The following SCUBE2 variants were observed in gnomAD, a reference collection of about 807,000 sequenced individuals.
The protein encoded by SCUBE2 is signal peptide, CUB and EGF-like domain-containing protein 2.
A neutral mutation model predicts 125.9 loss-of-function variants in SCUBE2; 114 were observed. That is an observed-to-expected ratio of 0.91 (90% CI 0.78 to 1.06). SCUBE2 has a LOEUF of 1.06. Among genes scored for constraint, SCUBE2 ranks in the 50% least tolerant of loss-of-function variants. SCUBE2 has a pLI of 0.00. For missense variants in SCUBE2, 1,255 were observed against 1,301.8 expected, an observed-to-expected ratio of 0.96 and a Z score of 0.55; for synonymous variants, 459 against 492.9, an observed-to-expected ratio of 0.93 and a Z score of 0.91.
At chr11:9,031,216 A>G in intron 17 of SCUBE2, 1 of 259,832 alleles carries the variant, frequency 3.8e-6, no homozygotes. Flanking sequence ...TCTCAGGCTT[A>G]GGCCTACACA....
chr11:9,066,727 T>C lies in SCUBE2; in HGVS notation c.730A>G (p.Lys244Glu), dbSNP rs1366370801. 3.1e-6 allele frequency: 5 copies of C among 1,614,048 alleles called. No homozygotes were observed. In the African/African-American group the frequency reaches 5.3e-5, roughly 17 times the overall value. Residue 244 changes from lysine (K) to glutamate (E), a missense_variant, in exon 6 of 23, where the codon AAG (lysine) becomes GAG (glutamate). Lys to Glu is a moderately conservative substitution (Grantham distance 56, BLOSUM62 1). Transcript: ENST00000649792. Reference sequence around the variant, plus strand: ...CAGCTCCTCCCATCTGTGTGCATCTTGTACTGTGGATGGCAGCTGCACTCT... The same window carrying C: ...CAGCTCCTCCCATCTGTGTGCATCTCGTACTGTGGATGGCAGCTGCACTCT... ...GPECSCHPQYKMHTDGRSCLE... is the reference protein window; with the variant it reads ...GPECSCHPQYEMHTDGRSCLE...
intron 9 of SCUBE2, among the ~76,000 whole-genome samples, chr11:9,058,523 G>A (rs1380746778): frequency 1.3e-5 from 2 of 148,500 alleles, no homozygotes; most frequent in Non-Finnish European, 3.0e-5. Flanking sequence ...TTGAACCTGG[G>A]AGGCGGAGGT....
At chr11:9,082,954 T>C (rs141147198) in intron 2 of SCUBE2, among the ~76,000 whole-genome samples, 95 of 143,386 alleles carry the variant, frequency 6.6e-4, no homozygotes, top group African/African-American at 2.2e-3. Flanking sequence ...TGGTGAATAT[T>C]ATAGTATGTT....
intron 16 of SCUBE2, 62 bp from the exon 17 acceptor site, chr11:9,033,858 G>A: frequency 6.4e-7 from 1 of 1,559,154 alleles, no homozygotes; most frequent in Admixed American, 1.7e-5. Context: ...GATGATGTGA[G>A]TTCTAGAGAT....
Position 9,069,461 on chromosome 11 carries a change from A to G in SCUBE2, c.552T>C (p.Cys184=), listed in dbSNP as rs751437969. Residue 184 remains cysteine (C), a synonymous_variant, in exon 5 of 23, where the codon TGT becomes TGC. Coordinates refer to ENST00000649792, the MANE Select transcript of SCUBE2 (RefSeq NM_001367977.2). ...GLSCMNKDHG[C]SHICKEAPRG... ...TTGGGGCCTCCTTGCAGATGTGACT[A>G]CAGCCGTGATCCTTATTCATGCAGC... 1 of 1,614,252 alleles carries G rather than the reference A, an allele frequency of 6.2e-7. No individual in the cohort carries two copies. Among genetic ancestry groups the G allele is most frequent in the Non-Finnish European group, 8.5e-7 (1 of 1,180,038 alleles).
intron 16 of SCUBE2, among the ~76,000 whole-genome samples, chr11:9,045,733 T>C (rs1336627469): frequency 4.0e-5 from 6 of 151,880 alleles, no homozygotes. Flanking sequence ...TTACACCCAC[T>C]TCCTCCCTCA....
At chr11:9,077,724 A>G (rs998802198) in intron 3 of SCUBE2, among the ~76,000 whole-genome samples, 4 of 152,228 alleles carry the variant, frequency 2.6e-5, no homozygotes, top group African/African-American at 4.8e-5. Context: ...TCCTTACCCC[A>G]TTCAGAAATA....
At position 9,091,332 on chromosome 11, in the gene SCUBE2, G is replaced by A. The variant is rs375449503; in HGVS notation, c.133+64C>T. On this transcript the variant is annotated intron_variant, in intron 1 of 22. Transcript: ENST00000649792. The surrounding 1 kb of genome is among the most constrained non-coding windows in gnomAD (Gnocchi z 8.5). ...GCGCCCGGCTCTGGACTCCGCCGGG[G>A]ACCTAAACACTCTTCCTGGCCCTGC... 1.7e-6 allele frequency: 2 copies of A among 1,171,762 alleles called. No individual in the cohort carries two copies. The highest frequency in any genetic ancestry group is 2.2e-6 in the Non-Finnish European group (2 of 929,616). The allele number at this position is 1,171,762 out of a possible 1,614,324, so 72.6% of individuals were successfully genotyped here. A position where few individuals can be genotyped will look rare whatever the true frequency, so the allele number is the denominator to read the frequency against.
At chr11:9,081,556 A>G (rs1170689689) in intron 2 of SCUBE2, among the ~76,000 whole-genome samples, 1 of 152,122 alleles carries the variant, frequency 6.6e-6, no homozygotes, top group Non-Finnish European at 1.5e-5. Flanking sequence ...CTATTATATC[A>G]TGCCTGTAAT....
rs545150844 is a variant in SCUBE2 at position 9,089,647 on chromosome 11, A to G, written c.256+60T>C. On this transcript the variant is annotated intron_variant, in intron 2 of 22. Transcript: ENST00000649792. ...TTTTACCAACATAAGTGGCCACTGCAAGAGCTAAGGAGGTAGGAGCTTCCC... is the reference window on the plus strand; with the variant it reads ...TTTTACCAACATAAGTGGCCACTGCGAGAGCTAAGGAGGTAGGAGCTTCCC... 37 of 1,581,954 alleles carry G rather than the reference A, an allele frequency of 2.3e-5. No homozygotes were observed. The African/African-American group carries it at 4.7e-4, about 20-fold the overall frequency.
chr11:9,074,408 G>C lies in SCUBE2; in HGVS notation c.517+73C>G, dbSNP rs1460076147. ...ACCCTGTGCTTCCCCTCTAGAGTCAGTGTGTGTGTGCGCGTGCAAGGGAGA... is the reference window on the plus strand; with the variant it reads ...ACCCTGTGCTTCCCCTCTAGAGTCACTGTGTGTGTGCGCGTGCAAGGGAGA... On this transcript the variant is annotated intron_variant, in intron 4 of 22. Transcript: ENST00000649792. 8 of 1,538,538 alleles carry C rather than the reference G, an allele frequency of 5.2e-6. No homozygotes were observed. In the East Asian group the frequency reaches 1.4e-4, roughly 26 times the overall value.
chr11:9,039,541 G>C (rs1857019217), intron 16 of SCUBE2, among the ~76,000 whole-genome samples: 1 of 152,202 alleles, frequency 6.6e-6, no homozygotes, highest in Non-Finnish European at 1.5e-5. Context: ...CGGACACTAG[G>C]AAGGCACGGG....
intron 14 of SCUBE2, 99 bp from the exon 15 acceptor site, chr11:9,048,197 A>C: frequency 4.7e-5 from 55 of 1,177,372 alleles, no homozygotes; most frequent in Non-Finnish European, 5.4e-5. Context: ...AACAACTCTC[A>C]AGGGACTAAG....
At position 9,053,141 on chromosome 11, in the gene SCUBE2, C is replaced by T. The variant is rs781350236; in HGVS notation, c.1405G>A (p.Gly469Arg). 13 of 1,614,060 alleles carry T rather than the reference C, an allele frequency of 8.1e-6. No individual in the cohort carries two copies. In the Admixed American group the frequency reaches 8.3e-5, roughly 10 times the overall value. Reference protein sequence around the residue: ...LHCGKSGGGDGCFLRCHSGIH... With the variant: ...LHCGKSGGGDRCFLRCHSGIH... ...CCAGAGTGACATCTGAGGAAGCACC[C>T]GTCTCCTCCACCACTCTTACCGCAG... The change falls in exon 12 of 23, where the codon GGG (glycine) becomes AGG (arginine). Residue 469 changes from glycine to arginine, a missense_variant. By Grantham distance (125) the Gly-to-Arg change is moderately radical. Transcript: ENST00000649792.
At chr11:9,060,614 G>C in intron 7 of SCUBE2, 90 bp from the exon 8 acceptor site, 1 of 1,050,442 alleles carries the variant, frequency 9.5e-7, no homozygotes, top group South Asian at 1.3e-5. Flanking sequence ...GCATGGTGGG[G>C]TACTCATGGT....
chr11:9,027,073 C>A (rs1855828074), intron 20 of SCUBE2: 1 of 434,464 alleles, frequency 2.3e-6, no homozygotes, highest in Non-Finnish European at 4.3e-6. Context: ...GCCAACACTG[C>A]ATGATCCTCA....
At chr11:9,051,843 C>CA (rs1186315533) in intron 13 of SCUBE2, among the ~76,000 whole-genome samples, 1 of 152,166 alleles carries the variant, frequency 6.6e-6, no homozygotes, top group Non-Finnish European at 1.5e-5. Context: ...TGGGGTGGCC[C>CA]AAATCACCAA....
At chr11:9,043,340 T>C (rs1473023238) in intron 16 of SCUBE2, among the ~76,000 whole-genome samples, 10 of 152,234 alleles carry the variant, frequency 6.6e-5, no homozygotes. Context: ...ATTTATCTTT[T>C]AGCTGGTATT....
intron 2 of SCUBE2, among the ~76,000 whole-genome samples, chr11:9,087,415 G>C (rs949910873): frequency 5.9e-5 from 9 of 152,186 alleles, no homozygotes; most frequent in African/African-American, 1.9e-4. Flanking sequence ...TTCCAGTACA[G>C]CAAATAGAAT....
Sources: gnomAD v4.1 joint callset for allele counts (sites outside exome capture counted in the v4.1 genomes callset) on GRCh38, gnomAD v4.1.1 for gene constraint, Gnocchi (gnomAD v3.1) non-coding constraint, MANE v1.5 for transcripts, NCBI Gene and HGNC (gene_info 2026-07-23, HGNC 2026-07-21) for gene names.